HKDC1: variants seen among roughly 807,000 people sequenced by gnomAD.
HKDC1 encodes hexokinase domain containing 1, also known as hexokinase HKDC1.
In HKDC1, 66 loss-of-function variants were observed where a neutral mutation model predicts 96.6. The observed-to-expected ratio is 0.68, with a 90% CI of 0.56 to 0.84. HKDC1 has a LOEUF of 0.84. HKDC1 is among the 40% of genes least tolerant of loss of function. The pLI is 0.00. For synonymous variants in HKDC1, 466 were observed against 473.1 expected (o/e 0.98, Z 0.20); for missense variants, 1,211 against 1,208.1 (o/e 1.00, Z -0.04).
intron 4 of HKDC1, among the ~76,000 whole-genome samples, chr10:69,238,189 C>G (rs933832829): frequency 6.6e-6 from 1 of 152,234 alleles, no homozygotes; most frequent in Admixed American, 6.5e-5. Flanking sequence ...AGTGATCCAC[C>G]TGCCTCAGGC....
intron 1 of HKDC1, among the ~76,000 whole-genome samples, chr10:69,223,431 TTTC>T (rs1212103858): frequency 6.6e-6 from 1 of 152,206 alleles, no homozygotes. Flanking sequence ...CTTACATAGA[TTTC>T]TTCATTATCA....
At chr10:69,252,973 CGTGTGTGTGTGTGTGTGTGT>C (rs57083436) in intron 12 of HKDC1, among the ~76,000 whole-genome samples, 2 of 140,272 alleles carry the variant, frequency 1.4e-5, no homozygotes, top group African/African-American at 5.3e-5. Context: ...CATCTCTAAA[CGTGTGTGTGTGTGTGTGTGT>C]GTGTGTGTGT....
intron 17 of HKDC1, 96 bp from the exon 18 acceptor site, chr10:69,266,514 C>T: frequency 7.4e-7 from 1 of 1,345,612 alleles, no homozygotes; most frequent in Non-Finnish European, 1.0e-6. Context: ...AAAAGCAAAC[C>T]AAAGGGAAGA....
At chr10:69,224,507 C>A (rs915772786) in intron 1 of HKDC1, among the ~76,000 whole-genome samples, 53 of 152,148 alleles carry the variant, frequency 3.5e-4, no homozygotes, top group Non-Finnish European at 8.8e-5. Context: ...TGGTCTCGAA[C>A]TCTGACCTCA....
intron 4 of HKDC1, among the ~76,000 whole-genome samples, chr10:69,233,913 A>G: frequency 6.6e-6 from 1 of 150,558 alleles, no homozygotes; most frequent in Admixed American, 6.6e-5. Flanking sequence ...AAAAAAAAGG[A>G]ATGGGGGCAC....
chr10:69,264,545 T>G (rs1589418337), intron 16 of HKDC1, among the ~76,000 whole-genome samples: 1 of 151,990 alleles, frequency 6.6e-6, no homozygotes, highest in Non-Finnish European at 1.5e-5. Context: ...CATTTAAAAT[T>G]TTTTAGAGAT....
At chr10:69,239,446 C>T (rs920460145) in intron 5 of HKDC1, among the ~76,000 whole-genome samples, 6 of 152,198 alleles carry the variant, frequency 3.9e-5, no homozygotes, top group African/African-American at 1.4e-4. Flanking sequence ...TGTGTAGGCC[C>T]CACACGCCCT....
intron 15 of HKDC1, among the ~76,000 whole-genome samples, chr10:69,259,262 G>T (rs550664320): frequency 1.6e-4 from 25 of 152,262 alleles, no homozygotes; most frequent in African/African-American, 6.0e-4. Context: ...TTCTTGAGAT[G>T]GGCTTTTAAT....
intron 4 of HKDC1, among the ~76,000 whole-genome samples, chr10:69,234,500 C>T (rs1843331864): frequency 6.6e-6 from 1 of 152,222 alleles, no homozygotes; most frequent in Admixed American, 6.5e-5. Context: ...AGTAATCTGC[C>T]TGCCTCTGCC....
Position 69,230,438 on chromosome 10 carries a change from A to T in HKDC1, c.227-2326A>T, listed in dbSNP as rs954244462. Among the ~76,000 whole-genome samples, 4 of 152,052 alleles carry T rather than the reference A, an allele frequency of 2.6e-5. No homozygotes were observed. The South Asian group carries it at 8.3e-4, about 32-fold the overall frequency. ...ACTCTGAATCTCCAGGAATCTCCGCATTCAGCCACTGTGCACCTTTGGGAG... is the reference window on the plus strand; with the variant it reads ...ACTCTGAATCTCCAGGAATCTCCGCTTTCAGCCACTGTGCACCTTTGGGAG... On this transcript the variant is annotated intron_variant, in intron 2 of 17. Transcript: ENST00000354624.
chr10:69,240,798 T>C, intron 6 of HKDC1, 47 bp downstream of exon 6: 1 of 1,423,602 alleles, frequency 7.0e-7, no homozygotes, highest in Non-Finnish European at 9.9e-7. Flanking sequence ...GAAGGGACTG[T>C]TTGGGAGTTT....
At chr10:69,252,988 GT>G (rs1047823118) in intron 12 of HKDC1, among the ~76,000 whole-genome samples, 3 of 151,380 alleles carry the variant, frequency 2.0e-5, no homozygotes, top group Admixed American at 6.6e-5. Context: ...GTGTGTGTGT[GT>G]GTGTGTGTGT....
At chr10:69,263,904 G>A (rs1245446719) in intron 16 of HKDC1, among the ~76,000 whole-genome samples, 4 of 152,354 alleles carry the variant, frequency 2.6e-5, no homozygotes, top group South Asian at 2.1e-4. Flanking sequence ...GCTACGTGTG[G>A]TGGCTCATGC....
chr10:69,227,106 G>C, intron 1 of HKDC1, 101 bp from the exon 2 acceptor site: 3 of 1,315,666 alleles, frequency 2.3e-6, no homozygotes, highest in Non-Finnish European at 3.2e-6. Flanking sequence ...GCTGTCCCCA[G>C]AGTCAGGAAT....
chr10:69,224,344 C>T (rs1008399311), intron 1 of HKDC1, among the ~76,000 whole-genome samples: 1 of 152,196 alleles, frequency 6.6e-6, no homozygotes, highest in Non-Finnish European at 1.5e-5. Context: ...AGTGCAGTGG[C>T]GCGATCTCGG....
chr10:69,241,896 G>T (rs1472646325), intron 6 of HKDC1, among the ~76,000 whole-genome samples: 2 of 152,186 alleles, frequency 1.3e-5, no homozygotes, highest in Non-Finnish European at 2.9e-5. Context: ...GTCAGGCAAG[G>T]TGCACTGCAG....
intron 16 of HKDC1, among the ~76,000 whole-genome samples, chr10:69,263,935 G>T (rs1843849902): frequency 6.6e-6 from 1 of 152,192 alleles, no homozygotes; most frequent in African/African-American, 2.4e-5. Flanking sequence ...AGGACTTTGG[G>T]AGGCCAAGGC....
rs1843287103 is a variant in HKDC1, at chr10:69,232,761, T to C, written c.227-3T>C. The C allele has an allele frequency of 1.2e-6, 2 of 1,613,764 alleles. No homozygotes were observed. The highest frequency in any genetic ancestry group is 1.1e-5 in the South Asian group (1 of 91,062). ...AATGGAAACTGAATTTGTTTCTTAATAGAAAATGGGGAGTTCCTTTCCCTG... is the reference window on the plus strand; with the variant it reads ...AATGGAAACTGAATTTGTTTCTTAACAGAAAATGGGGAGTTCCTTTCCCTG... On this transcript the variant is annotated splice_region_variant and splice_polypyrimidine_tract_variant and intron_variant, in intron 2 of 17. Coordinates refer to ENST00000354624, the MANE Select transcript of HKDC1 (RefSeq NM_025130.4).
intron 8 of HKDC1, 62 bp downstream of exon 8, chr10:69,246,296 T>A: frequency 6.4e-7 from 1 of 1,572,784 alleles, no homozygotes; most frequent in South Asian, 1.1e-5. Flanking sequence ...AGGTGTGGGG[T>A]GCTCCATGTG....
Sources: allele counts gnomAD v4.1 joint callset (sites outside exome capture counted in the v4.1 genomes callset), GRCh38; gene constraint gnomAD v4.1.1; transcripts MANE v1.5; gene names NCBI Gene and HGNC (gene_info 2026-07-23, HGNC 2026-07-21).